The following INPP4B variants were observed in gnomAD, a reference collection of about 807,000 sequenced individuals.
INPP4B encodes the protein inositol polyphosphate 4-phosphatase type II.
INPP4B carries 55 observed loss-of-function variants against 122.5 expected under a neutral mutation model. The observed-to-expected ratio is 0.45, with a 90% CI of 0.36 to 0.56. INPP4B has a LOEUF of 0.56. Ranked by LOEUF, INPP4B falls within the 20% of genes least tolerant of loss-of-function variation. INPP4B has a pLI of 0.00. For synonymous variants in INPP4B, 403 were observed against 388.7 expected (o/e 1.04, Z -0.43); for missense variants, 1,000 against 1,097.7 (o/e 0.91, Z 1.26).
At chr4:142,241,398 C>T (rs991932983) in intron 11 of INPP4B, among the ~76,000 whole-genome samples, 3 of 152,028 alleles carry the variant, frequency 2.0e-5, no homozygotes, top group African/African-American at 7.3e-5. Flanking sequence ...CCCTTGAGGT[C>T]CACCCCTTGA....
intron 11 of INPP4B, among the ~76,000 whole-genome samples, chr4:142,252,334 G>A (rs369011129): frequency 3.3e-5 from 5 of 151,486 alleles, no homozygotes; most frequent in Admixed American, 1.3e-4. Flanking sequence ...GACTACAGGC[G>A]CCCGCTACCA....
At position 142,023,344 on chromosome 4, in the gene INPP4B, A is replaced by C. The variant is rs936265903; in HGVS notation, c.*5438T>G. The C allele has an allele frequency of 1.2e-4, 18 of 152,168 alleles. No individual in the cohort carries two copies. Among genetic ancestry groups the C allele is most frequent in the African/African-American group, 2.9e-4 (12 of 41,450 alleles). 9.4% of individuals were successfully genotyped at this position (152,168 alleles called of 1,614,324 possible). On this transcript the variant is annotated 3_prime_UTR_variant, in exon 26 of 26. Transcript: ENST00000262992. The stretch of plus-strand genomic sequence containing the variant: ...TCATCTAAAATACATATATAACATA[A>C]AAAGAAAACAAATGCCAACCTTTCA...
chr4:142,415,624 A>G (rs541265543), intron 5 of INPP4B, among the ~76,000 whole-genome samples: 1 of 152,122 alleles, frequency 6.6e-6, no homozygotes, highest in Admixed American at 6.5e-5. Context: ...AACTAGAAAT[A>G]CCATTTGACC....
rs567438643 is a variant in INPP4B, at chr4:142,260,690, T to A, written c.616-126A>T. The A allele has an allele frequency of 3.8e-5, 24 of 634,302 alleles. 1 individual carries two copies. Among genetic ancestry groups the A allele is most frequent in the Admixed American group, 3.6e-4 (11 of 30,342 alleles). The allele number at this position is 634,302 out of a possible 1,614,324, so 39.3% of individuals were successfully genotyped here. A position where few individuals can be genotyped will look rare whatever the true frequency, so the allele number is the denominator to read the frequency against. On this transcript the variant is annotated intron_variant, in intron 10 of 25. Transcript: ENST00000262992. Reference sequence around the variant, plus strand: ...AAAAAGTTTTGAATAAAATACTTTTTAAAAACTATTTCTAGCTCTATCTTT... The same window carrying A: ...AAAAAGTTTTGAATAAAATACTTTTAAAAAACTATTTCTAGCTCTATCTTT...
chr4:142,484,667 C>T (rs916533896), intron 2 of INPP4B, among the ~76,000 whole-genome samples: 2 of 151,938 alleles, frequency 1.3e-5, no homozygotes, highest in South Asian at 2.1e-4. Context: ...CATAGGTAAA[C>T]GTGTGTCATG....
intron 1 of INPP4B, among the ~76,000 whole-genome samples, chr4:142,816,622 A>T (rs945027098): frequency 4.6e-5 from 7 of 152,162 alleles, no homozygotes; most frequent in Non-Finnish European, 1.0e-4. Context: ...GTGCATAAAT[A>T]TATAAAAATA....
intron 2 of INPP4B, among the ~76,000 whole-genome samples, chr4:142,696,507 C>A (rs1229345196): frequency 1.3e-5 from 2 of 152,170 alleles, no homozygotes; most frequent in African/African-American, 4.8e-5. Flanking sequence ...CCTTTCCCCA[C>A]CCCAGCCCTG....
At chr4:142,307,023 A>C (rs2151212674) in intron 8 of INPP4B, among the ~76,000 whole-genome samples, 1 of 152,356 alleles carries the variant, frequency 6.6e-6, no homozygotes, top group South Asian at 2.1e-4. Flanking sequence ...AAAGCCTGAA[A>C]AATCTGAGAC....
intron 2 of INPP4B, among the ~76,000 whole-genome samples, chr4:142,619,688 G>A (rs115835339): frequency 0.014 from 2,058 of 152,064 alleles, 36 homozygotes; most frequent in African/African-American, 0.039. Flanking sequence ...GAGATCTTCT[G>A]TATAACATTG....
At chr4:142,261,930 T>A (rs1292299869) in intron 10 of INPP4B, among the ~76,000 whole-genome samples, 1 of 152,176 alleles carries the variant, frequency 6.6e-6, no homozygotes, top group Non-Finnish European at 1.5e-5. Flanking sequence ...AAAGAATGAA[T>A]GACTGAAAAC....
chr4:142,221,827 A>G (rs1437025898), intron 12 of INPP4B, among the ~76,000 whole-genome samples: 1 of 152,234 alleles, frequency 6.6e-6, no homozygotes, highest in Non-Finnish European at 1.5e-5. Context: ...AATTTTTAAA[A>G]ATTAAAATAA....
chr4:142,273,710 G>A (rs1747027064), intron 9 of INPP4B, among the ~76,000 whole-genome samples: 1 of 151,684 alleles, frequency 6.6e-6, no homozygotes, highest in African/African-American at 2.4e-5. Context: ...TCAAAGCAAG[G>A]AACATGCTTA....
At chr4:142,111,735 A>C (rs1399420500) in intron 22 of INPP4B, among the ~76,000 whole-genome samples, 2 of 149,862 alleles carry the variant, frequency 1.3e-5, no homozygotes, top group African/African-American at 5.0e-5. Context: ...TTTCAAAAAA[A>C]AGAGATTTTT....
chr4:142,372,316 T>C (rs1433038627), intron 7 of INPP4B, among the ~76,000 whole-genome samples: 3 of 151,998 alleles, frequency 2.0e-5, no homozygotes, highest in Admixed American at 1.3e-4. Context: ...TGCAGTTACA[T>C]AGAAGGAATT....
At chr4:142,239,055 T>A (rs1365655634) in intron 11 of INPP4B, among the ~76,000 whole-genome samples, 1 of 152,106 alleles carries the variant, frequency 6.6e-6, no homozygotes, top group African/African-American at 2.4e-5. Context: ...ATCTTCTCAA[T>A]GTACAGGGAA....
In INPP4B at chr4:142,497,825, C is replaced by T. The variant is rs369853053; in HGVS notation, c.-190-35099G>A. Among the ~76,000 whole-genome samples, 16 of 152,154 alleles carry T rather than the reference C, an allele frequency of 1.1e-4. No individual in the cohort carries two copies. The South Asian group carries it at 3.3e-3, about 32-fold the overall frequency. On this transcript the variant is annotated intron_variant, in intron 2 of 25. Coordinates refer to ENST00000262992, the MANE Select transcript of INPP4B (RefSeq NM_001101669.3). ...TACTGCCACCTGCAAAATGCCATGG[C>T]TTAACCTCCATTAAGGAGTCCACCC...
At chr4:142,820,225 T>C (rs549100014) in intron 1 of INPP4B, among the ~76,000 whole-genome samples, 9 of 152,182 alleles carry the variant, frequency 5.9e-5, no homozygotes, top group Non-Finnish European at 1.3e-4. Flanking sequence ...AGATGGGACC[T>C]GATGAAAGGT....
intron 3 of INPP4B, among the ~76,000 whole-genome samples, chr4:142,458,868 A>T (rs1816092636): frequency 6.6e-6 from 1 of 152,198 alleles, no homozygotes; most frequent in Non-Finnish European, 1.5e-5. Flanking sequence ...ATCAGGGAGA[A>T]ATACTCAAAG....
chr4:142,760,949 A>C (rs1054450968), intron 1 of INPP4B, among the ~76,000 whole-genome samples: 2 of 152,102 alleles, frequency 1.3e-5, no homozygotes, highest in Non-Finnish European at 2.9e-5. Context: ...ATTCCCCAAA[A>C]TGAACACTAG....
Sources: allele counts gnomAD v4.1 joint callset (sites outside exome capture counted in the v4.1 genomes callset), GRCh38; gene constraint gnomAD v4.1.1; transcripts MANE v1.5; gene names NCBI Gene and HGNC (gene_info 2026-07-23, HGNC 2026-07-21).